The following ZFYVE26 variants were observed in gnomAD, a reference collection of about 807,000 sequenced individuals.
ZFYVE26 encodes zinc finger FYVE domain-containing protein 26.
Under a neutral mutation model 276.5 loss-of-function variants are expected in ZFYVE26, and 181 were observed. The ratio of observed to expected loss-of-function variants is 0.65; its 90% CI spans 0.58 to 0.74. ZFYVE26 has a LOEUF of 0.74. Ranked by LOEUF, ZFYVE26 falls within the 30% of genes least tolerant of loss-of-function variation. The pLI is 0.00. For synonymous variants in ZFYVE26, 1,129 were observed against 1,203.1 expected, an observed-to-expected ratio of 0.94 and a Z score of 1.27; for missense variants, 2,821 against 3,097.9, an observed-to-expected ratio of 0.91 and a Z score of 2.12.
chr14:67,807,548 C>T lies in ZFYVE26; in HGVS notation c.736G>A (p.Ala246Thr). Residue 246 changes from alanine to threonine, a missense_variant, in exon 5 of 42, where the codon GCC (alanine) becomes ACC (threonine). Transcript: ENST00000347230. The part of the protein sequence containing the change: ...LHLLCEELLE[A>T]CRTEGSPLRE... ...AGGGGACTCCCCTCGGTCCTGCAGG[C>T]CTCTAGTAGTTCCTCACACAGGAGA... The T allele has an allele frequency of 6.2e-7, 1 of 1,614,234 alleles. No individual in the cohort carries two copies. Among genetic ancestry groups the T allele is most frequent in the Non-Finnish European group, 8.5e-7 (1 of 1,180,036 alleles).
At position 67,790,593 on chromosome 14, in the gene ZFYVE26, T is replaced by C; in HGVS notation, c.2734A>G (p.Ile912Val). 1 of 1,613,854 alleles carries C rather than the reference T, an allele frequency of 6.2e-7. No homozygotes were observed. The highest frequency in any genetic ancestry group is 2.2e-5 in the East Asian group (1 of 44,878). ...TGACCTGCTGCTGCAGCGCTGCCAA[T>C]GGCCTGTAGAGTTGAGCGGCCACTG... ...TGSGRSTLQA[I>V]GSAAAAGMVF... is the part of the protein sequence containing the mutation. The change falls in exon 15 of 42, where the codon ATT becomes GTT. Residue 912 changes from isoleucine to valine, a missense_variant. Coordinates refer to ENST00000347230, the MANE Select transcript of ZFYVE26 (RefSeq NM_015346.4).
rs1298362828 is a variant in ZFYVE26, at chr14:67,783,387, A to G, written c.3765T>C (p.Thr1255=). 19 of 1,614,032 alleles carry G rather than the reference A, an allele frequency of 1.2e-5. No individual in the cohort carries two copies. The highest frequency in any genetic ancestry group is 1.5e-5 in the Non-Finnish European group (18 of 1,180,022). Residue 1255 remains threonine, a synonymous_variant, in exon 21 of 42, where the codon ACT becomes ACC. Transcript: ENST00000347230. ...QTSSLLTRLG[T]LAQLHASHCL... ...AGTGAGAGGCGTGTAGCTGGGCCAG[A>G]GTACCCAGACGAGTCAGGAGGGAGG...
At chr14:67,780,385 CT>C (rs35045484) in intron 22 of ZFYVE26, 40 bp from the exon 23 acceptor site, 23 of 1,554,866 alleles carry the variant, frequency 1.5e-5, no homozygotes, top group Non-Finnish European at 2.0e-5. Flanking sequence ...CACACTGCAG[CT>C]TCTCCCTCCA....
intron 32 of ZFYVE26, among the ~76,000 whole-genome samples, chr14:67,763,672 G>A (rs769269899): frequency 6.6e-6 from 1 of 152,156 alleles, no homozygotes; most frequent in South Asian, 2.1e-4. Context: ...TATTACTGTC[G>A]TTAAGCAATG....
At chr14:67,729,128 A>G in intron 14 of ZFYVE26, 1 of 1,524,482 alleles carries the variant, frequency 6.6e-7, no homozygotes, top group East Asian at 2.2e-5. Flanking sequence ...TTGCTGCAGG[A>G]GATAAGCTGT....
intron 31 of ZFYVE26, 38 bp downstream of exon 31, chr14:67,767,666 A>T: frequency 6.2e-7 from 1 of 1,613,958 alleles, no homozygotes; most frequent in Non-Finnish European, 8.5e-7. Flanking sequence ...ACACATCATA[A>T]AGAAACTTAA....
At position 67,807,462 on chromosome 14, in the gene ZFYVE26, C is replaced by G; in HGVS notation, c.822G>C (p.Leu274=). The change falls in exon 5 of 42, where the codon CTG becomes CTC. Residue 274 remains leucine, a synonymous_variant. Coordinates refer to ENST00000347230, the MANE Select transcript of ZFYVE26 (RefSeq NM_015346.4). ...CCTTCTCTGCATAGGTATGGCCATA[C>G]AGGGACAGCAGGCCCCGGCTGGCCT... The part of the protein sequence containing the change: ...LHKASRGLLS[L]YGHTYAEKVT... 1 of 1,614,164 alleles carries G rather than the reference C, an allele frequency of 6.2e-7. No individual in the cohort carries two copies.
intron 39 of ZFYVE26, 150 bp from the exon 40 acceptor site, chr14:67,752,676 G>C (rs1459536946): frequency 1.1e-6 from 1 of 898,442 alleles, no homozygotes; most frequent in Non-Finnish European, 1.8e-6. Context: ...CAAACAAAAA[G>C]CAAGCGTCAA....
At position 67,809,426 on chromosome 14, in the gene ZFYVE26, T is replaced by A. The variant is rs181568; in HGVS notation, c.274-137A>T. On this transcript the variant is annotated intron_variant, in intron 3 of 41. Transcript: ENST00000347230. ...AAGCACTCTTTTTTTTTTTTTTTTT[T>A]TTTTTTTTTATTTTGAGACAGAGTC... 375,319 of 588,282 alleles carry A rather than the reference T, an allele frequency of 0.64. 127,376 individuals carry two copies. The highest frequency in any genetic ancestry group is 0.85 in the East Asian group (27,551 of 32,538). The allele number at this position is 588,282 out of a possible 1,614,324, so 36.4% of individuals were successfully genotyped here. A position where few individuals can be genotyped will look rare whatever the true frequency, so the allele number is the denominator to read the frequency against.
At chr14:67,777,431 T>C in intron 25 of ZFYVE26, 128 bp downstream of exon 25, 5 of 1,503,488 alleles carry the variant, frequency 3.3e-6, no homozygotes, top group South Asian at 1.2e-5. Context: ...AAAGAGCCAT[T>C]GAAAAGGCAA....
chr14:67,755,226 A>G lies in ZFYVE26; in HGVS notation c.6811T>C (p.Cys2271Arg). ...GCTTTGTGACTGAAGAACCGAATAC[A>G]GGTCATGGCGGCCCGAACTTGGTCC... Reference protein sequence around the residue: ...MKDQVRAAMTCIRFFSHKAKS... With the variant: ...MKDQVRAAMTRIRFFSHKAKS... The change falls in exon 37 of 42, where the codon TGT becomes CGT. Residue 2271 changes from cysteine to arginine, a missense_variant. Coordinates refer to ENST00000347230, the MANE Select transcript of ZFYVE26 (RefSeq NM_015346.4). 6.2e-7 allele frequency: 1 copy of G among 1,614,196 alleles called. No homozygotes were observed. The highest frequency in any genetic ancestry group is 8.5e-7 in the Non-Finnish European group (1 of 1,180,032).
chr14:67,799,286 A>G lies in ZFYVE26; in HGVS notation c.1640-664T>C, dbSNP rs543994053. On this transcript the variant is annotated intron_variant, in intron 10 of 41. Coordinates refer to ENST00000347230, the MANE Select transcript of ZFYVE26 (RefSeq NM_015346.4). ...GGAGTCTGTGCTTTGCGTGCAGTACACAGAGGAACCCAGGATAAGGAATAT... is the reference window on the plus strand; with the variant it reads ...GGAGTCTGTGCTTTGCGTGCAGTACGCAGAGGAACCCAGGATAAGGAATAT... 13 of 1,613,558 alleles carry G rather than the reference A, an allele frequency of 8.1e-6. No homozygotes were observed. The South Asian group carries it at 1.4e-4, about 18-fold the overall frequency.
Position 67,759,089 on chromosome 14 carries a change from GA to G in ZFYVE26, c.6588+2276del, listed in dbSNP as rs1400119644. Among the ~76,000 whole-genome samples, 114 of 150,150 alleles carry G rather than the reference GA, an allele frequency of 7.6e-4. 1 individual carries two copies. Among genetic ancestry groups the G allele is most frequent in the African/African-American group, 2.7e-3 (112 of 40,958 alleles). ...CCCGTCTCTACTAAAAAAAAAAATA[GA>G]AAAAATTAGCCAGGTATGGTGGCGG... On this transcript the variant is annotated intron_variant, in intron 35 of 41. Transcript: ENST00000347230.
rs2040093980 is a variant in ZFYVE26, at chr14:67,802,294, A to T, written c.1436-12T>A. On this transcript the variant is annotated splice_polypyrimidine_tract_variant and intron_variant, in intron 9 of 41. Transcript: ENST00000347230. ...AGCATCAACTGCATCTGAATTACAA[A>T]GAGAAACAGGCTGAACTTGAGAGTT... 1 of 1,613,992 alleles carries T rather than the reference A, an allele frequency of 6.2e-7. No individual in the cohort carries two copies. The highest frequency in any genetic ancestry group is 1.3e-5 in the African/African-American group (1 of 75,060).
intron 4 of ZFYVE26, 49 bp downstream of exon 4, chr14:67,809,151 C>T (rs1489858419): frequency 6.6e-7 from 1 of 1,523,418 alleles, no homozygotes; most frequent in Non-Finnish European, 9.1e-7. Flanking sequence ...AGCTAAGCTG[C>T]TTAAGTGACT....
intron 34 of ZFYVE26, 100 bp from the exon 35 acceptor site, chr14:67,761,684 A>C: frequency 2.0e-6 from 2 of 992,396 alleles, no homozygotes; most frequent in Non-Finnish European, 3.1e-6. Context: ...TGTGCACACC[A>C]ACATGGCACA....
At position 67,798,153 on chromosome 14, in the gene ZFYVE26, G is replaced by T; in HGVS notation, c.2109C>A (p.Ser703Arg). Reference protein sequence around the residue: ...QEQLDEISSRSPPEKPKQESQ... With the variant: ...QEQLDEISSRRPPEKPKQESQ... ...TTTCTTGCTTTGGCTTCTCAGGAGG[G>T]CTGCGGCTACTGATCTCATCCAGTT... is the stretch of plus-strand genomic sequence containing the variant. The change falls in exon 11 of 42, where the codon AGC becomes AGA. Residue 703 changes from serine to arginine, a missense_variant. Ser to Arg is a moderately radical substitution (Grantham distance 110, BLOSUM62 -1). Transcript: ENST00000347230. 5.0e-6 allele frequency: 8 copies of T among 1,614,096 alleles called. No individual in the cohort carries two copies. The highest frequency in any genetic ancestry group is 5.1e-6 in the Non-Finnish European group (6 of 1,179,966).
chr14:67,737,056 G>T (rs138138253), intron 13 of ZFYVE26, among the ~76,000 whole-genome samples: 128 of 151,760 alleles, frequency 8.4e-4, no homozygotes, highest in Non-Finnish European at 1.7e-3. Context: ...TCCAGCATCT[G>T]GGAGAATAAG....
At chr14:67,780,440 T>C in intron 22 of ZFYVE26, 95 bp from the exon 23 acceptor site, 4 of 1,118,962 alleles carry the variant, frequency 3.6e-6, no homozygotes, top group Non-Finnish European at 3.9e-6. Flanking sequence ...CATCCCTAGA[T>C]CTCTGCCCCA....
Sources: allele counts gnomAD v4.1 joint callset (sites outside exome capture counted in the v4.1 genomes callset), GRCh38; gene constraint gnomAD v4.1.1; transcripts MANE v1.5; gene names NCBI Gene and HGNC (gene_info 2026-07-23, HGNC 2026-07-21).